Variants in ERBB4 observed in about 807,000 individuals in gnomAD.
ERBB4 encodes the protein erb-b2 receptor tyrosine kinase 4.
A neutral mutation model predicts 158.0 loss-of-function variants in ERBB4; 42 were observed. The observed-to-expected ratio is 0.27, with a 90% CI of 0.21 to 0.34. ERBB4 has a LOEUF of 0.34. Among genes scored for constraint, ERBB4 ranks in the 10% least tolerant of loss-of-function variants. ERBB4 has a pLI of 1.00. For synonymous variants in ERBB4, 583 were observed against 558.7 expected, an observed-to-expected ratio of 1.04 and a Z score of -0.61; for missense variants, 1,333 against 1,624.1, an observed-to-expected ratio of 0.82 and a Z score of 3.08.
chr2:211,742,493 G>A (rs1048319850), intron 5 of ERBB4, among the ~76,000 whole-genome samples: 1 of 151,986 alleles, frequency 6.6e-6, no homozygotes, highest in Non-Finnish European at 1.5e-5. Flanking sequence ...ATTCTATTTC[G>A]AAGGAGTTCC....
intron 1 of ERBB4, among the ~76,000 whole-genome samples, chr2:212,126,822 A>G (rs968131316): frequency 6.6e-5 from 10 of 152,298 alleles, no homozygotes; most frequent in African/African-American, 2.4e-4. Flanking sequence ...GTTCCTGCAG[A>G]GGAAGGAAAA....
At chr2:212,005,374 T>C (rs1273904631) in intron 2 of ERBB4, among the ~76,000 whole-genome samples, 1 of 151,994 alleles carries the variant, frequency 6.6e-6, no homozygotes, top group East Asian at 1.9e-4. Context: ...AGACACCTTT[T>C]GGGGACAGCT....
intron 2 of ERBB4, among the ~76,000 whole-genome samples, chr2:212,024,176 G>A (rs953051053): frequency 3.3e-5 from 5 of 151,766 alleles, no homozygotes; most frequent in African/African-American, 1.2e-4. Flanking sequence ...AGCATAAATG[G>A]ACACAGAGTG....
intron 1 of ERBB4, among the ~76,000 whole-genome samples, chr2:212,397,057 A>G: frequency 6.6e-6 from 1 of 152,328 alleles, no homozygotes; most frequent in Middle Eastern, 3.4e-3. Flanking sequence ...CATATTTTAG[A>G]TATTTTAAAT....
intron 1 of ERBB4, among the ~76,000 whole-genome samples, chr2:212,254,735 G>C (rs1188256855): frequency 6.6e-6 from 1 of 152,062 alleles, no homozygotes; most frequent in Non-Finnish European, 1.5e-5. Flanking sequence ...CTGAAATATT[G>C]TGAATATTCA....
At chr2:211,486,636 T>C (rs2125560175) in intron 20 of ERBB4, among the ~76,000 whole-genome samples, 1 of 152,170 alleles carries the variant, frequency 6.6e-6, no homozygotes, top group East Asian at 1.9e-4. Context: ...AGATTTTGGG[T>C]CAAATCTCAT....
intron 3 of ERBB4, among the ~76,000 whole-genome samples, chr2:211,940,439 T>C (rs1404997542): frequency 2.0e-5 from 3 of 152,082 alleles, no homozygotes; most frequent in Non-Finnish European, 4.4e-5. Flanking sequence ...TTAGGATATA[T>C]AAGCTTCCTC....
At chr2:211,708,539 T>C (rs2073540942) in intron 9 of ERBB4, among the ~76,000 whole-genome samples, 1 of 152,090 alleles carries the variant, frequency 6.6e-6, no homozygotes, top group South Asian at 2.1e-4. Flanking sequence ...GGCACTGTGA[T>C]TTTTCCTTTC....
chr2:212,205,117 C>T (rs2082707252), intron 1 of ERBB4, among the ~76,000 whole-genome samples: 1 of 152,018 alleles, frequency 6.6e-6, no homozygotes, highest in African/African-American at 2.4e-5. Context: ...CGTGCCTGGC[C>T]AACTTCCAGA....
At chr2:211,560,640 T>G (rs16846435) in intron 20 of ERBB4, among the ~76,000 whole-genome samples, 13,374 of 152,068 alleles carry the variant, frequency 0.088, 1,599 homozygotes, top group African/African-American at 0.27. Context: ...CATATTTAAC[T>G]CACCTTATAA....
chr2:212,466,610 C>T (rs1190033836), intron 1 of ERBB4, among the ~76,000 whole-genome samples: 2 of 152,210 alleles, frequency 1.3e-5, no homozygotes, highest in Non-Finnish European at 2.9e-5. Context: ...GATTGTGAGG[C>T]CTCCACAGCC....
chr2:211,450,827 A>G lies in ERBB4; in HGVS notation c.2488-19727T>C, dbSNP rs548141538. On this transcript the variant is annotated intron_variant, in intron 20 of 27. Transcript: ENST00000342788. The stretch of plus-strand genomic sequence containing the variant: ...AGCACTTATGACTACCTGACAACAT[A>G]TAGGCATGCTGTTACTTACCTGTTG... 8.1e-4 allele frequency among the ~76,000 whole-genome samples: 123 copies of G among 152,270 alleles called. 2 individuals are homozygous for G. In the South Asian group the frequency reaches 0.025, roughly 31 times the overall value.
chr2:212,297,529 G>T (rs1156852346), intron 1 of ERBB4, among the ~76,000 whole-genome samples: 1 of 151,736 alleles, frequency 6.6e-6, no homozygotes. Context: ...TTTTTATAAA[G>T]GGATAATATA....
chr2:212,322,031 G>C (rs951126092), intron 1 of ERBB4, among the ~76,000 whole-genome samples: 3 of 150,424 alleles, frequency 2.0e-5, no homozygotes, highest in African/African-American at 7.3e-5. Flanking sequence ...ATTTCACAGA[G>C]TGGATACAAT....
chr2:212,176,997 A>G (rs1210727917), intron 1 of ERBB4, among the ~76,000 whole-genome samples: 3 of 151,898 alleles, frequency 2.0e-5, no homozygotes, highest in Non-Finnish European at 4.4e-5. Flanking sequence ...TAAAGTAGAG[A>G]AAGAGAGAGG....
At chr2:211,838,840 G>A (rs2077399869) in intron 3 of ERBB4, among the ~76,000 whole-genome samples, 1 of 152,030 alleles carries the variant, frequency 6.6e-6, no homozygotes, top group African/African-American at 2.4e-5. Context: ...GTGCAAACTG[G>A]ATCACCTTCC....
At chr2:211,989,711 C>T (rs1450265548) in intron 2 of ERBB4, among the ~76,000 whole-genome samples, 5 of 151,796 alleles carry the variant, frequency 3.3e-5, no homozygotes, top group Admixed American at 3.3e-4. Flanking sequence ...GGAAGGGATG[C>T]AATCTAATCA....
intron 20 of ERBB4, among the ~76,000 whole-genome samples, chr2:211,498,977 T>G (rs184201864): frequency 6.6e-6 from 1 of 152,260 alleles, no homozygotes; most frequent in Admixed American, 6.5e-5. Context: ...CAATGGGTTA[T>G]AATGAGGCTC....
At chr2:211,405,917 C>T (rs1381631711) in intron 25 of ERBB4, among the ~76,000 whole-genome samples, 1 of 152,104 alleles carries the variant, frequency 6.6e-6, no homozygotes, top group Non-Finnish European at 1.5e-5. Flanking sequence ...TCTTCCTAGT[C>T]ACCCTAGACT....
Sources: gnomAD v4.1 joint callset for allele counts (sites outside exome capture counted in the v4.1 genomes callset) on GRCh38, gnomAD v4.1.1 for gene constraint, MANE v1.5 for transcripts, NCBI Gene and HGNC (gene_info 2026-07-23, HGNC 2026-07-21) for gene names.